OTUD7A: variants seen among roughly 807,000 people sequenced by gnomAD.
OTUD7A encodes the protein OTU deubiquitinase 7A, also known as OTU domain-containing protein 7A.
Under a neutral mutation model 65.7 loss-of-function variants are expected in OTUD7A, and 12 were observed. The observed-to-expected ratio is 0.18, with a 90% CI of 0.12 to 0.30. The LOEUF (loss-of-function observed/expected upper bound fraction) is 0.30, where lower values mean the gene tolerates loss of function less well. Ranked by LOEUF, OTUD7A falls within the 10% of genes least tolerant of loss-of-function variation. The probability of loss-of-function intolerance (pLI) is 1.00; values close to 1 mark genes in which losing one functional copy is unlikely to be tolerated. For missense variants in OTUD7A, 1,148 were observed against 1,304.8 expected, an observed-to-expected ratio of 0.88 and a Z score of 1.85; for synonymous variants, 641 against 586.3, an observed-to-expected ratio of 1.09 and a Z score of -1.35.
chr15:31,590,711 C>G (rs1247785530), intron 3 of OTUD7A, among the ~76,000 whole-genome samples: 3 of 152,182 alleles, frequency 2.0e-5, no homozygotes, highest in African/African-American at 7.2e-5. Flanking sequence ...CTTGGGTTCT[C>G]TGTACTCAGA....
chr15:31,600,352 G>T (rs531674510), intron 3 of OTUD7A, among the ~76,000 whole-genome samples: 1 of 152,084 alleles, frequency 6.6e-6, no homozygotes, highest in Non-Finnish European at 1.5e-5. Flanking sequence ...TTCATATCCA[G>T]CCCAACTAAG....
intron 1 of OTUD7A, among the ~76,000 whole-genome samples, chr15:31,817,594 G>A (rs1360257723): frequency 6.6e-6 from 1 of 152,166 alleles, no homozygotes; most frequent in East Asian, 1.9e-4. Context: ...GTCAGGACAT[G>A]TTGGCAATTT....
Position 31,749,914 on chromosome 15 carries a change from C to T in OTUD7A, c.-99-92837G>A, listed in dbSNP as rs189507891. 5.3e-5 allele frequency among the ~76,000 whole-genome samples: 8 copies of T among 152,068 alleles called. No individual in the cohort carries two copies. The East Asian group carries it at 1.2e-3, about 22-fold the overall frequency. On this transcript the variant is annotated intron_variant, in intron 1 of 12. Coordinates refer to ENST00000307050, the MANE Select transcript of OTUD7A (RefSeq NM_001382637.1). Reference sequence around the variant, plus strand: ...CAAAAATCAGTAGCATTTCTATACACCAATAACATTCAAGCTGGGAGTCAA... The same window carrying T: ...CAAAAATCAGTAGCATTTCTATACATCAATAACATTCAAGCTGGGAGTCAA...
At chr15:31,717,605 G>A (rs1327163576) in intron 1 of OTUD7A, among the ~76,000 whole-genome samples, 1 of 152,190 alleles carries the variant, frequency 6.6e-6, no homozygotes, top group Non-Finnish European at 1.5e-5. Flanking sequence ...ATTCCATGGT[G>A]TATATGTGCC....
intron 1 of OTUD7A, among the ~76,000 whole-genome samples, chr15:31,852,879 T>C: frequency 6.6e-6 from 1 of 152,240 alleles, no homozygotes; most frequent in East Asian, 1.9e-4. Context: ...AAGGTTATAC[T>C]GATGAATACC....
intron 8 of OTUD7A, among the ~76,000 whole-genome samples, chr15:31,522,976 C>T (rs1180002032): frequency 1.3e-5 from 2 of 152,236 alleles, no homozygotes; most frequent in African/African-American, 4.8e-5. Context: ...AGGGCCCGCA[C>T]TGCACCCTTT....
At position 31,847,345 on chromosome 15, in the gene OTUD7A, G is replaced by T. The variant is rs527338344; in HGVS notation, c.-100+23162C>A. Among the ~76,000 whole-genome samples the T allele has an allele frequency of 5.9e-5, 9 of 152,264 alleles. No homozygotes were observed. In the East Asian group the frequency reaches 1.7e-3, roughly 29 times the overall value. On this transcript the variant is annotated intron_variant, in intron 1 of 12. Transcript: ENST00000307050. ...GAGTACATGATAGAAATGAAAAAAG[G>T]GTGTGATCATGGTCAAAGAGCAAGA... is the stretch of plus-strand genomic sequence containing the variant.
chr15:31,662,261 T>C (rs1458345507), intron 1 of OTUD7A, among the ~76,000 whole-genome samples: 7 of 152,224 alleles, frequency 4.6e-5, no homozygotes, highest in African/African-American at 1.7e-4. Flanking sequence ...AATCTACTAT[T>C]TGGTCACCCA....
At position 31,542,115 on chromosome 15, in the gene OTUD7A, C is replaced by G. The variant is rs79361267; in HGVS notation, c.551-11307G>C. 9.2e-3 allele frequency among the ~76,000 whole-genome samples: 1,400 copies of G among 152,208 alleles called. 33 individuals carry two copies. The highest frequency in any genetic ancestry group is 0.032 in the African/African-American group (1,345 of 41,542). On this transcript the variant is annotated intron_variant, in intron 5 of 12. Coordinates refer to ENST00000307050, the MANE Select transcript of OTUD7A (RefSeq NM_001382637.1). ...CTCTAAGAGGAGTACACTCTCAACA[C>G]AGGCCACACAAGAGTCCCACATATA...
chr15:31,560,440 C>T (rs1888652990), intron 4 of OTUD7A, among the ~76,000 whole-genome samples: 4 of 152,156 alleles, frequency 2.6e-5, no homozygotes, highest in Admixed American at 6.5e-5. Context: ...GTTAGGAAGT[C>T]GATTACCTAG....
Position 31,752,155 on chromosome 15 carries a change from T to C in OTUD7A, c.-99-95078A>G, listed in dbSNP as rs370852555. On this transcript the variant is annotated intron_variant, in intron 1 of 12. Transcript: ENST00000307050. ...TACAGTGATGCTTTGATTCAATGTA[T>C]ATGTTGAATCAAACAAGAAAGAAAA... 5.3e-5 allele frequency among the ~76,000 whole-genome samples: 8 copies of C among 152,196 alleles called. No homozygotes were observed. The South Asian group carries it at 8.3e-4, about 16-fold the overall frequency.
At chr15:31,668,259 C>A (rs1243163803) in intron 1 of OTUD7A, among the ~76,000 whole-genome samples, 1 of 152,188 alleles carries the variant, frequency 6.6e-6, no homozygotes, top group Non-Finnish European at 1.5e-5. Context: ...TTTTAGAAAT[C>A]TCTTATTCCT....
At chr15:31,679,302 T>C (rs1216364601) in intron 1 of OTUD7A, among the ~76,000 whole-genome samples, 3 of 152,170 alleles carry the variant, frequency 2.0e-5, no homozygotes, top group Admixed American at 2.0e-4. Context: ...GGGTTAATGC[T>C]GGAATAAGTT....
At chr15:31,690,960 T>C (rs1892947924) in intron 1 of OTUD7A, among the ~76,000 whole-genome samples, 1 of 152,120 alleles carries the variant, frequency 6.6e-6, no homozygotes. Flanking sequence ...TAAAAACTTT[T>C]GTGTACCAAA....
chr15:31,519,986 T>C (rs1025626710), intron 8 of OTUD7A, among the ~76,000 whole-genome samples: 1 of 151,060 alleles, frequency 6.6e-6, no homozygotes, highest in Non-Finnish European at 1.5e-5. Context: ...AAGAAAAAAA[T>C]TGTCAATGAC....
intron 1 of OTUD7A, among the ~76,000 whole-genome samples, chr15:31,674,266 G>A (rs939722190): frequency 5.3e-5 from 8 of 152,178 alleles, no homozygotes; most frequent in African/African-American, 1.9e-4. Flanking sequence ...GAGAGCCGGT[G>A]GCCAAGAGGC....
intron 1 of OTUD7A, among the ~76,000 whole-genome samples, chr15:31,735,190 G>A (rs1180655094): frequency 6.6e-6 from 1 of 152,112 alleles, no homozygotes; most frequent in Non-Finnish European, 1.5e-5. Flanking sequence ...AAACCACAAT[G>A]AGATACCATC....
chr15:31,693,121 G>A (rs1847244), intron 1 of OTUD7A, among the ~76,000 whole-genome samples: 62 of 151,206 alleles, frequency 4.1e-4, no homozygotes, highest in Non-Finnish European at 8.9e-4. Flanking sequence ...CAGGCCTGCT[G>A]GTAAGTGGTT....
chr15:31,567,225 A>T lies in OTUD7A; in HGVS notation c.331+2793T>A, dbSNP rs138550727. 1.1e-3 allele frequency among the ~76,000 whole-genome samples: 165 copies of T among 152,334 alleles called. 4 individuals are homozygous for T. The highest frequency in any genetic ancestry group is 3.8e-3 in the African/African-American group (158 of 41,570). On this transcript the variant is annotated intron_variant, in intron 4 of 12. Transcript: ENST00000307050. Reference sequence around the variant, plus strand: ...GCTGAGGAGGTCTTAGATGGATATGAAGAAATTATTGGGGACTGGAGCAAA... The same window carrying T: ...GCTGAGGAGGTCTTAGATGGATATGTAGAAATTATTGGGGACTGGAGCAAA...
Sources: gnomAD v4.1 joint callset for allele counts (sites outside exome capture counted in the v4.1 genomes callset) on GRCh38, gnomAD v4.1.1 for gene constraint, MANE v1.5 for transcripts, NCBI Gene and HGNC (gene_info 2026-07-23, HGNC 2026-07-21) for gene names.